Variants in ANK3 observed in about 807,000 individuals in gnomAD.
ANK3 encodes the protein ankyrin 3.
A neutral mutation model predicts 370.9 loss-of-function variants in ANK3; 57 were observed. The observed-to-expected ratio is 0.15, with a 90% confidence interval of 0.12 to 0.19. The LOEUF is 0.19. Among genes scored for constraint, ANK3 ranks in the 10% least tolerant of loss-of-function variants. ANK3 has a pLI of 1.00. For synonymous variants in ANK3, 1,929 were observed against 1,946.3 expected, an observed-to-expected ratio of 0.99 and a Z score of 0.23; for missense variants, 4,439 against 5,302.1, an observed-to-expected ratio of 0.84 and a Z score of 5.06.
chr10:60,606,151 TAGTC>T (rs1478960718), intron 2 of ANK3, among the ~76,000 whole-genome samples: 3 of 152,152 alleles, frequency 2.0e-5, no homozygotes, highest in Non-Finnish European at 2.9e-5. Context: ...AAATGAAAGG[TAGTC>T]AGTCTCTTCT....
chr10:60,487,689 A>G (rs1271777861), intron 2 of ANK3, among the ~76,000 whole-genome samples: 1 of 151,236 alleles, frequency 6.6e-6, no homozygotes, highest in Admixed American at 6.6e-5. Context: ...TAATATTAAT[A>G]AATTCCCCCA....
intron 1 of ANK3, among the ~76,000 whole-genome samples, chr10:60,386,359 T>C: frequency 6.6e-6 from 1 of 150,808 alleles, no homozygotes; most frequent in East Asian, 1.9e-4. Context: ...CATTCAAACT[T>C]TTTTTTTTCA....
intron 1 of ANK3, among the ~76,000 whole-genome samples, chr10:60,677,769 C>A (rs1388288898): frequency 4.0e-5 from 6 of 149,090 alleles, no homozygotes; most frequent in Non-Finnish European, 8.9e-5. Context: ...CCAAACTAAT[C>A]CTTTCTCAAC....
intron 43 of ANK3, among the ~76,000 whole-genome samples, chr10:60,037,152 C>T (rs2075192904): frequency 1.3e-5 from 2 of 152,172 alleles, no homozygotes; most frequent in African/African-American, 2.4e-5. Context: ...GCTGAAGCCA[C>T]CATTATGGCT....
chr10:60,317,782 C>T (rs2047766305), intron 1 of ANK3, among the ~76,000 whole-genome samples: 1 of 147,340 alleles, frequency 6.8e-6, no homozygotes, highest in Admixed American at 6.9e-5. Flanking sequence ...GGTGCGATCT[C>T]GGCTCACTGT....
At chr10:60,546,659 C>T (rs182844957) in intron 2 of ANK3, among the ~76,000 whole-genome samples, 4 of 152,246 alleles carry the variant, frequency 2.6e-5, no homozygotes, top group Non-Finnish European at 4.4e-5. Context: ...TGTGGCCCCT[C>T]CTACAACAAG....
At chr10:60,147,832 C>A (rs1250739002) in intron 23 of ANK3, among the ~76,000 whole-genome samples, 4 of 152,164 alleles carry the variant, frequency 2.6e-5, no homozygotes, top group East Asian at 1.9e-4. Flanking sequence ...GCCTGCAGAA[C>A]CATGAGCCAA....
chr10:60,286,044 T>C (rs954997486), intron 1 of ANK3, among the ~76,000 whole-genome samples: 7 of 152,152 alleles, frequency 4.6e-5, no homozygotes, highest in Non-Finnish European at 7.4e-5. Context: ...ATTTATCTGA[T>C]GCATATCATA....
Position 60,606,581 on chromosome 10 carries a change from G to A in ANK3, c.96+8605C>T, listed in dbSNP as rs576739858. ...ATTAAGGTAAAACCTTGCTATGCTT[G>A]TACTCATCAACTGTAAGCCTTTGTT... On this transcript the variant is annotated intron_variant, in intron 2 of 43. Coordinates refer to the ANK3 transcript ENST00000373827. 5.7e-4 allele frequency among the ~76,000 whole-genome samples: 87 copies of A among 152,250 alleles called. 1 individual carries two copies. The South Asian group carries it at 7.5e-3, about 13-fold the overall frequency.
intron 1 of ANK3, among the ~76,000 whole-genome samples, chr10:60,645,384 C>G (rs2078696772): frequency 6.6e-6 from 1 of 152,040 alleles, no homozygotes; most frequent in Non-Finnish European, 1.5e-5. Context: ...AGTTATTGGT[C>G]TAGTAATTTA....
At chr10:60,362,941 G>T (rs2058833718) in intron 1 of ANK3, among the ~76,000 whole-genome samples, 1 of 152,048 alleles carries the variant, frequency 6.6e-6, no homozygotes, top group Non-Finnish European at 1.5e-5. Flanking sequence ...TAGATAGGGT[G>T]GGCTATCCTG....
chr10:60,328,166 T>C (rs2050333624), intron 1 of ANK3, among the ~76,000 whole-genome samples: 1 of 152,190 alleles, frequency 6.6e-6, no homozygotes, highest in South Asian at 2.1e-4. Flanking sequence ...CAGTGGTGAC[T>C]TTTCTGAGAG....
intron 1 of ANK3, among the ~76,000 whole-genome samples, chr10:60,367,025 T>G (rs1370508878): frequency 6.6e-6 from 1 of 152,222 alleles, no homozygotes; most frequent in African/African-American, 2.4e-5. Flanking sequence ...ATATATATCC[T>G]CCTTTCCCAA....
chr10:60,338,796 G>A (rs1014367216), intron 1 of ANK3, among the ~76,000 whole-genome samples: 1 of 152,172 alleles, frequency 6.6e-6, no homozygotes, highest in African/African-American at 2.4e-5. Context: ...CCCATAGCGG[G>A]AGTTTAATCC....
At chr10:60,680,885 G>A (rs996894809) in intron 1 of ANK3, among the ~76,000 whole-genome samples, 2 of 152,136 alleles carry the variant, frequency 1.3e-5, no homozygotes, top group Non-Finnish European at 2.9e-5. Context: ...GGAAAAATGA[G>A]TAGTAACTAT....
intron 7 of ANK3, among the ~76,000 whole-genome samples, chr10:60,243,349 G>A (rs2097501639): frequency 1.3e-5 from 2 of 152,140 alleles, no homozygotes; most frequent in African/African-American, 4.8e-5. Flanking sequence ...AGGGATTAAT[G>A]ATTAGATAAG....
intron 2 of ANK3, among the ~76,000 whole-genome samples, chr10:60,540,909 A>G (rs1397761215): frequency 1.3e-5 from 2 of 151,974 alleles, no homozygotes; most frequent in Non-Finnish European, 2.9e-5. Context: ...TATATTGTAG[A>G]AATATTTGCA....
intron 21 of ANK3, among the ~76,000 whole-genome samples, chr10:60,169,249 G>A (rs2095707622): frequency 6.6e-6 from 1 of 151,998 alleles, no homozygotes; most frequent in Admixed American, 6.6e-5. Context: ...TGACTGGTAT[G>A]AGAGGGTATC....
At chr10:60,497,962 T>C (rs1486317313) in intron 2 of ANK3, among the ~76,000 whole-genome samples, 3 of 151,980 alleles carry the variant, frequency 2.0e-5, no homozygotes, top group Admixed American at 6.6e-5. Flanking sequence ...TTTTTAGAGG[T>C]TTTATCTGCA....
Sources: allele counts gnomAD v4.1 joint callset (sites outside exome capture counted in the v4.1 genomes callset), GRCh38; gene constraint gnomAD v4.1.1; transcripts MANE v1.5; gene names NCBI Gene and HGNC (gene_info 2026-07-23, HGNC 2026-07-21).